Variants in FBXO31 observed in about 807,000 individuals in gnomAD.
The protein encoded by FBXO31 is F-box protein 31.
Under a neutral mutation model 54.4 loss-of-function variants are expected in FBXO31, and 24 were observed. The ratio of observed to expected loss-of-function variants is 0.44; its 90% CI spans 0.32 to 0.62. The LOEUF (loss-of-function observed/expected upper bound fraction) is 0.62. FBXO31 is among the 20% of genes least tolerant of loss of function. The probability of loss-of-function intolerance (pLI) is 0.05; values close to 1 mark genes in which losing one functional copy is unlikely to be tolerated. For missense variants in FBXO31, 665 were observed against 787.1 expected (o/e 0.84, Z 1.86); for synonymous variants, 388 against 335.6 (o/e 1.16, Z -1.71).
chr16:87,363,274 C>T (rs1042115878), intron 1 of FBXO31, among the ~76,000 whole-genome samples: 1 of 152,100 alleles, frequency 6.6e-6, no homozygotes, highest in Non-Finnish European at 1.5e-5. Context: ...ATCCCAGCTG[C>T]TAGGGAGGCT....
Position 87,334,258 on chromosome 16 carries a change from T to G in FBXO31, c.1025A>C (p.Gln342Pro), listed in dbSNP as rs1212213897. 1.3e-6 allele frequency: 2 copies of G among 1,598,958 alleles called. No individual in the cohort carries two copies. The highest frequency in any genetic ancestry group is 1.7e-6 in the Non-Finnish European group (2 of 1,171,560). The change falls in exon 8 of 9, where the codon CAG becomes CCG. Residue 342 changes from glutamine to proline, a missense_variant. Around this residue, in one of 4 missense-constraint regions of FBXO31, gnomAD observed 234 missense variants for 346.8 expected, o/e 0.67. Transcript: ENST00000311635. ...TGDPNIPAGQ[Q>P]TVEIDLRHRI... ...ATGCCTCAGGTCGATCTCCACTGTC[T>G]GCTGCCCAGCGGGGATGTTGGGGTC...
intron 1 of FBXO31, among the ~76,000 whole-genome samples, chr16:87,361,360 C>T (rs912830040): frequency 6.6e-6 from 1 of 152,386 alleles, no homozygotes; most frequent in East Asian, 1.9e-4. Flanking sequence ...GATCAAAAAG[C>T]TTCCTTCGCA....
At position 87,329,193 on chromosome 16, in the gene FBXO31, G is replaced by C. The variant is rs992144769; in HGVS notation, c.*2095C>G. 6.6e-6 allele frequency: 1 copy of C among 152,506 alleles called. No homozygotes were observed. Among genetic ancestry groups the C allele is most frequent in the African/African-American group, 2.4e-5 (1 of 41,476 alleles). The allele number at this position is 152,506 out of a possible 1,614,324, so 9.4% of individuals were successfully genotyped here. A position where few individuals can be genotyped will look rare whatever the true frequency, so the allele number is the denominator to read the frequency against. The stretch of plus-strand genomic sequence containing the variant: ...GGCTGTGTGGCTCTGGCCCTGCCTG[G>C]CATCACTGCAGGTCACCACCATGGA... On this transcript the variant is annotated 3_prime_UTR_variant, in exon 9 of 9. Coordinates refer to ENST00000311635, the MANE Select transcript of FBXO31 (RefSeq NM_024735.5).
chr16:87,361,602 C>T (rs571063275), intron 1 of FBXO31, among the ~76,000 whole-genome samples: 20 of 152,358 alleles, frequency 1.3e-4, no homozygotes, highest in African/African-American at 4.8e-5. Context: ...CGATACGATG[C>T]GGTCAGGCTA....
chr16:87,343,084 C>A (rs1032342794), intron 4 of FBXO31, 133 bp from the exon 5 acceptor site: 107 of 678,186 alleles, frequency 1.6e-4, no homozygotes, highest in Non-Finnish European at 2.3e-4. Flanking sequence ...ACCCAAGATG[C>A]GACCAACGCG....
intron 2 of FBXO31, among the ~76,000 whole-genome samples, chr16:87,347,881 C>T (rs999630720): frequency 3.3e-5 from 5 of 152,136 alleles, no homozygotes; most frequent in South Asian, 2.1e-4. Context: ...ATGCTGGTAG[C>T]GCTACAAGGC....
At chr16:87,369,107 T>G (rs570250964) in intron 1 of FBXO31, among the ~76,000 whole-genome samples, 2 of 152,274 alleles carry the variant, frequency 1.3e-5, no homozygotes, top group East Asian at 3.9e-4. Flanking sequence ...TTTTATTTTT[T>G]ATTTTTTTCA....
At chr16:87,368,829 C>T (rs576807347) in intron 1 of FBXO31, among the ~76,000 whole-genome samples, 3 of 152,192 alleles carry the variant, frequency 2.0e-5, no homozygotes, top group Non-Finnish European at 2.9e-5. Flanking sequence ...AATAGAGTTT[C>T]GCTCTTGTTG....
rs1361785589 is a variant in FBXO31, at chr16:87,336,544, C to A, written c.733-280G>T. On this transcript the variant is annotated intron_variant, in intron 5 of 8. Coordinates refer to ENST00000311635, the MANE Select transcript of FBXO31 (RefSeq NM_024735.5). The surrounding 1 kb of genome is among the most constrained non-coding windows in gnomAD (Gnocchi z 6.5). ...GGGGCTACAGGGAGCCCAGGTGAGG[C>A]GGGGGCCACAGCCATGACCAGAACT... 1.3e-5 allele frequency among the ~76,000 whole-genome samples: 2 copies of A among 152,112 alleles called. No homozygotes were observed. The highest frequency in any genetic ancestry group is 3.9e-4 in the East Asian group (2 of 5,182).
Position 87,354,630 on chromosome 16 carries a change from A to G in FBXO31, c.412+5665T>C, listed in dbSNP as rs541383142. Among the ~76,000 whole-genome samples the G allele has an allele frequency of 1.1e-4, 16 of 152,272 alleles. No individual in the cohort carries two copies. In the South Asian group the frequency reaches 2.7e-3, roughly 26 times the overall value. On this transcript the variant is annotated intron_variant, in intron 2 of 8. Transcript: ENST00000311635. ...GCCAGGCAACCTCATGCACCCAAGG[A>G]AAAAAGAAAAGATACCCCAAAAGTA... is the stretch of plus-strand genomic sequence containing the variant.
chr16:87,386,481 G>A (rs1907332184), upstream of FBXO31, among the ~76,000 whole-genome samples: 1 of 152,194 alleles, frequency 6.6e-6, no homozygotes. Context: ...CACCCAGGCT[G>A]GAGTGCAGTG....
rs1225929968 is a variant in FBXO31 at position 87,329,056 on chromosome 16, C to T, written c.*2232G>A. 1.3e-5 allele frequency: 2 copies of T among 152,248 alleles called. No homozygotes were observed. The highest frequency in any genetic ancestry group is 4.8e-5 in the African/African-American group (2 of 41,458). The allele number at this position is 152,248 out of a possible 1,614,324, so 9.4% of individuals were successfully genotyped here. ...GAGGCGCGCAGATTCAGTGCCTGTCCCTACAGAACCGGAGCCAAGAACTGG... is the reference window on the plus strand; with the variant it reads ...GAGGCGCGCAGATTCAGTGCCTGTCTCTACAGAACCGGAGCCAAGAACTGG... On this transcript the variant is annotated 3_prime_UTR_variant, in exon 9 of 9. Transcript: ENST00000311635.
intron 2 of FBXO31, among the ~76,000 whole-genome samples, chr16:87,355,395 C>T (rs11646004): frequency 0.35 from 52,912 of 152,042 alleles, 11,859 homozygotes; most frequent in Non-Finnish European, 0.52. Context: ...TGAAGACACA[C>T]TAAGAGCAGC....
At chr16:87,370,364 G>C (rs189496171) in intron 1 of FBXO31, among the ~76,000 whole-genome samples, 17 of 152,244 alleles carry the variant, frequency 1.1e-4, no homozygotes, top group Non-Finnish European at 2.4e-4. Context: ...GCAGTAAGAA[G>C]GCACTTGGCA....
At chr16:87,388,541 C>T (rs1474550021), upstream of FBXO31, 1 of 152,220 alleles carries the variant, frequency 6.6e-6, no homozygotes, top group Non-Finnish European at 1.5e-5. Flanking sequence ...AGGCCTGAGG[C>T]CTGGAGCAAA....
rs956406518 is a variant in FBXO31 at position 87,345,681 on chromosome 16, GA to G, written c.489+1492del. Among the ~76,000 whole-genome samples, 2 of 152,094 alleles carry G rather than the reference GA, an allele frequency of 1.3e-5. No homozygotes were observed. Among genetic ancestry groups the G allele is most frequent in the Admixed American group, 1.3e-4 (2 of 15,280 alleles). The stretch of plus-strand genomic sequence containing the variant: ...TCCAGGAGAAAGAAAACAAGAAAAA[GA>G]AAAAAAGACTGAACACATCAGAGAG... On this transcript the variant is annotated intron_variant, in intron 3 of 8. Coordinates refer to ENST00000311635, the MANE Select transcript of FBXO31 (RefSeq NM_024735.5). This position sits in a 1 kb window ranked among gnomAD's most constrained non-coding sequence, Gnocchi z 4.9.
chr16:87,385,744 C>T (rs191938072), upstream of FBXO31, among the ~76,000 whole-genome samples: 11 of 152,144 alleles, frequency 7.2e-5, no homozygotes, highest in Admixed American at 7.2e-4. Flanking sequence ...CCTGGTGGCT[C>T]ACACCTGTAA....
intron 2 of FBXO31, among the ~76,000 whole-genome samples, chr16:87,356,813 G>T (rs1255549274): frequency 1.3e-5 from 2 of 152,176 alleles, no homozygotes; most frequent in Non-Finnish European, 2.9e-5. Flanking sequence ...CCATCGGGGT[G>T]GACTGAAAGC....
In FBXO31 at chr16:87,383,116, CG is replaced by C. The variant is rs1907158065; in HGVS notation, c.340+288del. On this transcript the variant is annotated intron_variant, in intron 1 of 8. Coordinates refer to ENST00000311635, the MANE Select transcript of FBXO31 (RefSeq NM_024735.5). The surrounding 1 kb of genome is among the most constrained non-coding windows in gnomAD (Gnocchi z 4.9). The stretch of plus-strand genomic sequence containing the variant: ...CGGCCCCGTGGTGTCCCGTGCCCCG[CG>C]TCAGGGCCTCTTCGATGCCTCCCTG... Among the ~76,000 whole-genome samples, 4 of 152,172 alleles carry C rather than the reference CG, an allele frequency of 2.6e-5. No homozygotes were observed. In the South Asian group the frequency reaches 8.3e-4, roughly 32 times the overall value.
Sources: gnomAD v4.1 joint callset for allele counts (sites outside exome capture counted in the v4.1 genomes callset) on GRCh38, gnomAD v4.1.1 for gene constraint, gnomAD v4.1.1 regional missense constraint, Gnocchi (gnomAD v3.1) non-coding constraint, MANE v1.5 for transcripts, NCBI Gene and HGNC (gene_info 2026-07-23, HGNC 2026-07-21) for gene names.